Variants in GALC observed in about 807,000 individuals in gnomAD.
GALC encodes the protein galactocerebrosidase.
In GALC, 77 loss-of-function variants were observed where a neutral mutation model predicts 91.8. The ratio of observed to expected loss-of-function variants is 0.84; its 90% CI spans 0.70 to 1.01. The LOEUF (loss-of-function observed/expected upper bound fraction) is 1.01. GALC is among the 50% of genes least tolerant of loss of function. GALC has a pLI of 0.00. For missense variants in GALC, 882 were observed against 855.9 expected (o/e 1.03, Z -0.38); for synonymous variants, 357 against 306.7 (o/e 1.16, Z -1.71).
At chr14:87,964,013 G>GTACAT (rs1885922062) in intron 9 of GALC, among the ~76,000 whole-genome samples, 1 of 151,974 alleles carries the variant, frequency 6.6e-6, no homozygotes, top group Non-Finnish European at 1.5e-5. Context: ...AAAATTAAGA[G>GTACAT]TACATTAGTT....
chr14:87,993,282 G>C, upstream of GALC: 1 of 1,539,450 alleles, frequency 6.5e-7, no homozygotes, highest in Non-Finnish European at 8.7e-7. Flanking sequence ...GCGGGTCAAG[G>C]GCCTCTGACG....
chr14:87,943,364 G>T (rs425189), intron 14 of GALC, among the ~76,000 whole-genome samples: 145,610 of 152,126 alleles, frequency 0.96, 69,983 homozygotes, highest in Non-Finnish European at 1. Context: ...GCTGGTAAAT[G>T]ACTAAATCTA....
chr14:87,973,961 C>T (rs1342882420), intron 7 of GALC, among the ~76,000 whole-genome samples: 1 of 152,086 alleles, frequency 6.6e-6, no homozygotes, highest in African/African-American at 2.4e-5. Context: ...AGAACAAAAA[C>T]CAAACCTTGC....
intron 10 of GALC, among the ~76,000 whole-genome samples, chr14:87,959,127 A>G (rs1885690425): frequency 6.6e-6 from 1 of 152,184 alleles, no homozygotes; most frequent in African/African-American, 2.4e-5. Flanking sequence ...TTAAACAACG[A>G]CAACAAAATA....
intron 14 of GALC, among the ~76,000 whole-genome samples, chr14:87,943,294 A>C (rs1321302772): frequency 6.6e-6 from 1 of 152,022 alleles, no homozygotes; most frequent in Non-Finnish European, 1.5e-5. Flanking sequence ...ACCAATGCTC[A>C]CTATCAAGAT....
chr14:87,953,366 AACTTGATG>A lies in GALC; in HGVS notation c.1162-2626_1162-2619del, dbSNP rs1885389451. The stretch of plus-strand genomic sequence containing the variant: ...AGAATATCTGAAGAGAATTCCATTC[AACTTGATG>A]ATTTTACAGAAGCATATGAAAGTGG... On this transcript the variant is annotated intron_variant, in intron 10 of 16. Transcript: ENST00000261304. 7.4e-5 allele frequency: 105 copies of A among 1,420,146 alleles called. 1 individual carries two copies. In the South Asian group the frequency reaches 1.1e-3, roughly 15 times the overall value. 88.0% of individuals were successfully genotyped at this position (1,420,146 alleles called of 1,614,324 possible).
chr14:87,950,800 G>C (rs1885273986), intron 10 of GALC, 52 bp from the exon 11 acceptor site: 2 of 1,282,340 alleles, frequency 1.6e-6, no homozygotes, highest in Admixed American at 3.5e-5. Flanking sequence ...AGCTACCTTA[G>C]GGGAAAAAAA....
At position 87,939,799 on chromosome 14, in the gene GALC, T is replaced by C. The variant is rs118084239; in HGVS notation, c.1911+106A>G. ...GGCACCAAGGCAGATTCTTTGTCTC[T>C]CTTCATTATATGTCACACTTTCCCC... On this transcript the variant is annotated intron_variant, in intron 16 of 16. Coordinates refer to ENST00000261304, the MANE Select transcript of GALC (RefSeq NM_000153.4). The C allele has an allele frequency of 4.0e-3, 3,428 of 866,508 alleles. 7 individuals carry two copies. The highest frequency in any genetic ancestry group is 5.6e-3 in the Non-Finnish European group (2,883 of 512,468). The allele number at this position is 866,508 out of a possible 1,614,324, so 53.7% of individuals were successfully genotyped here. A position where few individuals can be genotyped will look rare whatever the true frequency, so the allele number is the denominator to read the frequency against.
chr14:87,936,089 C>A (rs929449085), intron 16 of GALC, among the ~76,000 whole-genome samples: 3 of 152,046 alleles, frequency 2.0e-5, no homozygotes, highest in African/African-American at 7.2e-5. Context: ...ACTTCAGCCA[C>A]CCCAGCCTCC....
At chr14:87,955,084 G>C (rs1885468480) in intron 10 of GALC, 9 of 1,337,428 alleles carry the variant, frequency 6.7e-6, no homozygotes, top group Non-Finnish European at 9.7e-6. Context: ...AGAACCTTGT[G>C]TATCAAAGAT....
rs1171563307 is a variant in GALC at position 87,954,794 on chromosome 14, C to A, written c.1162-4046G>T. On this transcript the variant is annotated intron_variant, in intron 10 of 16. Coordinates refer to ENST00000261304, the MANE Select transcript of GALC (RefSeq NM_000153.4). ...CCCAACATCATATATACTGGCTGCG[C>A]AAAATATGGATTGGAACTAGAAACA... 6 of 1,602,740 alleles carry A rather than the reference C, an allele frequency of 3.7e-6. No homozygotes were observed. The East Asian group carries it at 1.3e-4, about 36-fold the overall frequency.
intron 1 of GALC, among the ~76,000 whole-genome samples, chr14:87,991,225 C>T (rs1282833831): frequency 6.6e-6 from 1 of 152,048 alleles, no homozygotes; most frequent in Non-Finnish European, 1.5e-5. Flanking sequence ...GTGTTTTGAA[C>T]GGAGTCTCAC....
intron 3 of GALC, 62 bp downstream of exon 3, chr14:87,988,082 C>A: frequency 8.2e-7 from 1 of 1,219,178 alleles, no homozygotes; most frequent in South Asian, 1.2e-5. Flanking sequence ...AATCACAGTC[C>A]ATATGCTGAG....
chr14:87,992,084 G>C (rs1887223515), intron 1 of GALC, among the ~76,000 whole-genome samples: 3 of 149,306 alleles, frequency 2.0e-5, no homozygotes, highest in African/African-American at 7.3e-5. Flanking sequence ...TAACTCCAGG[G>C]GGAAAAAAAT....
intron 7 of GALC, 82 bp downstream of exon 7, chr14:87,976,276 G>A (rs769759505): frequency 2.8e-5 from 41 of 1,456,350 alleles, no homozygotes; most frequent in Non-Finnish European, 3.8e-5. Context: ...GTAATCAAAT[G>A]GGGAGAAGGC....
At chr14:87,956,916 T>C (rs933615759) in intron 10 of GALC, among the ~76,000 whole-genome samples, 1 of 150,212 alleles carries the variant, frequency 6.7e-6, no homozygotes, top group African/African-American at 2.5e-5. Flanking sequence ...ACCACATGTA[T>C]GCCAACATCT....
At chr14:87,987,039 C>A (rs1045637985) in intron 3 of GALC, 7 of 455,740 alleles carry the variant, frequency 1.5e-5, no homozygotes, top group Non-Finnish European at 3.1e-5. Context: ...GAACCCACAC[C>A]TTTAGCCTAT....
In GALC at chr14:87,976,608, T is replaced by C. The variant is rs1035166924; in HGVS notation, c.622-120A>G. 2.6e-5 allele frequency: 15 copies of C among 570,066 alleles called. No homozygotes were observed. The African/African-American group carries it at 2.8e-4, about 11-fold the overall frequency. 35.3% of individuals were successfully genotyped at this position (570,066 alleles called of 1,614,324 possible). ...CAGCGTTCTGGATAATAGCTTCTTT[T>C]GTTTGTTTGTTTGTTTGTTTTTCTC... On this transcript the variant is annotated intron_variant, in intron 6 of 16. Transcript: ENST00000261304.
intron 10 of GALC, among the ~76,000 whole-genome samples, chr14:87,956,564 T>TATATATATACACACACACC (rs1555380391): frequency 3.0e-5 from 4 of 134,228 alleles, no homozygotes; most frequent in African/African-American, 9.5e-5. Flanking sequence ...ACGCACCATA[T>TATATATATACACACACACC]ATATATATAT....
Sources: allele counts gnomAD v4.1 joint callset (sites outside exome capture counted in the v4.1 genomes callset), GRCh38; gene constraint gnomAD v4.1.1; transcripts MANE v1.5; gene names NCBI Gene and HGNC (gene_info 2026-07-23, HGNC 2026-07-21).